Variants in ZEB2 observed in about 807,000 individuals in gnomAD.
ZEB2 encodes zinc finger E-box-binding homeobox 2.
A neutral mutation model predicts 99.9 loss-of-function variants in ZEB2; 6 were observed. The ratio of observed to expected loss-of-function variants is 0.06; its 90% CI spans 0.03 to 0.12. ZEB2 has a LOEUF of 0.12. Among genes scored for constraint, ZEB2 ranks in the 10% least tolerant of loss-of-function variants. ZEB2 has a pLI of 1.00. For synonymous variants in ZEB2, 517 were observed against 542.5 expected (o/e 0.95, Z 0.65); for missense variants, 969 against 1,502.8 (o/e 0.64, Z 5.87).
intron 2 of ZEB2, 42 bp from the exon 3 acceptor site, chr2:144,430,068 G>T: frequency 6.2e-7 from 1 of 1,607,602 alleles, no homozygotes. Flanking sequence ...ACACTCTGTT[G>T]AGAAACATCA....
chr2:144,504,079 GAA>G (rs199809708), intron 2 of ZEB2: 5 of 80,284 alleles, frequency 6.2e-5, no homozygotes, highest in East Asian at 3.5e-4. Flanking sequence ...TTAACAATTA[GAA>G]AAAAAAAAAA....
chr2:144,430,398 C>T (rs968523610), intron 2 of ZEB2: 1 of 299,028 alleles, frequency 3.3e-6, no homozygotes, highest in East Asian at 9.2e-5. Context: ...AGCTTAGAGA[C>T]ATGAAGTATT....
chr2:144,513,798 C>T (rs974795660), intron 2 of ZEB2: 13 of 1,536,080 alleles, frequency 8.5e-6, no homozygotes, highest in Non-Finnish European at 1.1e-5. Flanking sequence ...GACTCCAAGG[C>T]TGTGTGGAGA....
At chr2:144,492,916 G>A (rs547940762) in intron 2 of ZEB2, among the ~76,000 whole-genome samples, 40 of 152,140 alleles carry the variant, frequency 2.6e-4, no homozygotes, top group Non-Finnish European at 4.0e-4. Flanking sequence ...GTATGTCATG[G>A]CCTGAGCTGA....
chr2:144,463,155 G>T (rs1445835056), intron 2 of ZEB2: 1 of 152,144 alleles, frequency 6.6e-6, no homozygotes, highest in East Asian at 1.9e-4. Flanking sequence ...AGTTAAAAGG[G>T]CAAAGCAAAT....
At chr2:144,510,224 A>G (rs1705010902) in intron 2 of ZEB2, among the ~76,000 whole-genome samples, 1 of 152,072 alleles carries the variant, frequency 6.6e-6, no homozygotes, top group African/African-American at 2.4e-5. Flanking sequence ...AATTATCATA[A>G]AAAGTCAGGG....
intron 2 of ZEB2, among the ~76,000 whole-genome samples, chr2:144,451,215 C>T (rs1439858712): frequency 1.3e-5 from 2 of 152,144 alleles, no homozygotes; most frequent in African/African-American, 4.8e-5. Context: ...TATAGAAATA[C>T]TAGAGTGAAT....
At chr2:144,471,403 C>T (rs745946003) in intron 2 of ZEB2, among the ~76,000 whole-genome samples, 1 of 152,104 alleles carries the variant, frequency 6.6e-6, no homozygotes, top group Non-Finnish European at 1.5e-5. Context: ...AACAGATATT[C>T]CAACCTTCCA....
At chr2:144,494,396 A>C (rs1300929815) in intron 2 of ZEB2, 3 of 152,186 alleles carry the variant, frequency 2.0e-5, no homozygotes, top group Non-Finnish European at 1.5e-5. Context: ...GTATCTATTA[A>C]TAGACTTCAA....
At chr2:144,473,970 C>T (rs1372364448) in intron 2 of ZEB2, among the ~76,000 whole-genome samples, 3 of 152,164 alleles carry the variant, frequency 2.0e-5, no homozygotes, top group African/African-American at 7.2e-5. Context: ...TTCTCAAGTA[C>T]TGTTTCTAGG....
intron 2 of ZEB2, among the ~76,000 whole-genome samples, chr2:144,473,822 A>AT: frequency 6.6e-6 from 1 of 152,182 alleles, no homozygotes; most frequent in Admixed American, 6.5e-5. Flanking sequence ...TACTTTGGGT[A>AT]TAACAGCAGA....
At chr2:144,432,468 C>A (rs888419229) in intron 2 of ZEB2, among the ~76,000 whole-genome samples, 1 of 152,108 alleles carries the variant, frequency 6.6e-6, no homozygotes, top group Non-Finnish European at 1.5e-5. Flanking sequence ...GTTTTTATAT[C>A]TGAATTCAAA....
At chr2:144,488,599 G>A (rs753515328) in intron 2 of ZEB2, among the ~76,000 whole-genome samples, 2 of 151,530 alleles carry the variant, frequency 1.3e-5, no homozygotes, top group Non-Finnish European at 2.9e-5. Context: ...GAATTAAGCA[G>A]GAAAAGTTGC....
rs1703918753 is a variant in ZEB2, at chr2:144,441,575, C to G, written c.74-11549G>C. 1.3e-5 allele frequency among the ~76,000 whole-genome samples: 2 copies of G among 150,144 alleles called. 1 individual carries two copies. Among genetic ancestry groups the G allele is most frequent in the South Asian group, 4.2e-4 (2 of 4,768 alleles). On this transcript the variant is annotated intron_variant, in intron 2 of 9. Coordinates refer to ENST00000627532, the MANE Select transcript of ZEB2 (RefSeq NM_014795.4). ...AAAAAAAAAAAGGAGTAAATTTTCACTTTCTGAGGTGGCAAGGAAAATTCC... is the reference window on the plus strand; with the variant it reads ...AAAAAAAAAAAGGAGTAAATTTTCAGTTTCTGAGGTGGCAAGGAAAATTCC...
At chr2:144,482,746 T>C (rs1704531824) in intron 2 of ZEB2, among the ~76,000 whole-genome samples, 1 of 107,880 alleles carries the variant, frequency 9.3e-6, no homozygotes, top group South Asian at 2.7e-4. Context: ...ATATTTCTGA[T>C]ATTTCTTTTT....
rs187860481 is a variant in ZEB2, at chr2:144,444,621, G to A, written c.74-14595C>T. ...TCTGCACTTTCATTCAAATGATAATGAGTGTGTAAATCACATCTGTTCCCC... is the reference window on the plus strand; with the variant it reads ...TCTGCACTTTCATTCAAATGATAATAAGTGTGTAAATCACATCTGTTCCCC... On this transcript the variant is annotated intron_variant, in intron 2 of 9. Transcript: ENST00000627532. 3.9e-5 allele frequency among the ~76,000 whole-genome samples: 6 copies of A among 152,334 alleles called. No individual in the cohort carries two copies. In the East Asian group the frequency reaches 1.2e-3, roughly 29 times the overall value.
At chr2:144,514,377 T>A (rs1705095624) in intron 2 of ZEB2, 1 of 152,268 alleles carries the variant, frequency 6.6e-6, no homozygotes, top group South Asian at 2.1e-4. Context: ...ATGACCATCT[T>A]TTTTTCCCTT....
At chr2:144,503,491 C>T (rs1704903534) in intron 2 of ZEB2, among the ~76,000 whole-genome samples, 2 of 152,108 alleles carry the variant, frequency 1.3e-5, no homozygotes, top group African/African-American at 2.4e-5. Flanking sequence ...AGCTAGAAAA[C>T]GGTTTGAAAG....
At chr2:144,498,706 T>G (rs1704825246) in intron 2 of ZEB2, among the ~76,000 whole-genome samples, 1 of 152,204 alleles carries the variant, frequency 6.6e-6, no homozygotes, top group South Asian at 2.1e-4. Context: ...CCAGCTGAGC[T>G]GTCACCTCTA....
Sources: allele counts gnomAD v4.1 joint callset (sites outside exome capture counted in the v4.1 genomes callset), GRCh38; gene constraint gnomAD v4.1.1; transcripts MANE v1.5; gene names NCBI Gene and HGNC (gene_info 2026-07-23, HGNC 2026-07-21).